The following ABCC6 variants were observed in gnomAD, a reference collection of about 807,000 sequenced individuals.
ABCC6 encodes ATP binding cassette subfamily C member 6.
In ABCC6, 126 loss-of-function variants were observed where a neutral mutation model predicts 169.5. That is an observed-to-expected ratio of 0.74 (90% confidence interval 0.64 to 0.86). The LOEUF is 0.86. Among genes scored for constraint, ABCC6 ranks in the 40% least tolerant of loss-of-function variants. The pLI is 0.00. For missense variants in ABCC6, 1,733 were observed against 1,927.2 expected (o/e 0.90, Z 1.89); for synonymous variants, 752 against 814.7 (o/e 0.92, Z 1.31).
At chr16:16,154,305 G>A (rs924929105) in intron 29 of ABCC6, among the ~76,000 whole-genome samples, 1 of 152,090 alleles carries the variant, frequency 6.6e-6, no homozygotes, top group African/African-American at 2.4e-5. Context: ...GAGTGGTGAG[G>A]TTACCACCCG....
At chr16:16,156,942 C>CAA (rs33984541) in intron 27 of ABCC6, among the ~76,000 whole-genome samples, 6,588 of 100,842 alleles carry the variant, frequency 0.065, 299 homozygotes, top group East Asian at 0.13. Flanking sequence ...GACTCTGTCT[C>CAA]AAAAAAAAAA....
Position 16,190,196 on chromosome 16 carries a change from A to G in ABCC6, c.1603T>C (p.Ser535Pro), listed in dbSNP as rs72653773. Reference sequence around the variant, plus strand: ...GTAGACACTTGGAAGGACACCAGCGACACAGAGAAGAGGAGGCCGGAGGTC... The same window carrying G: ...GTAGACACTTGGAAGGACACCAGCGGCACAGAGAAGAGGAGGCCGGAGGTC... ...LRTSGLLFSV[S>P]LVSFQVSTFL... is the part of the protein sequence containing the mutation. Residue 535 changes from serine to proline, a missense_variant, in exon 12 of 31, where the codon TCG (serine) becomes CCG (proline). Physicochemically the swap from Ser to Pro is moderately conservative, Grantham distance 74. This residue lies in a region of ABCC6 where 1,601 missense variants were observed against 1,635.5 expected (regional missense o/e 0.98). Transcript: ENST00000205557. 2 of 1,613,856 alleles carry G rather than the reference A, an allele frequency of 1.2e-6. No individual in the cohort carries two copies. The highest frequency in any genetic ancestry group is 3.3e-5 in the Admixed American group (2 of 59,980).
At chr16:16,171,369 C>A (rs2047060080) in intron 21 of ABCC6, among the ~76,000 whole-genome samples, 1 of 152,198 alleles carries the variant, frequency 6.6e-6, no homozygotes, top group Non-Finnish European at 1.5e-5. Context: ...CAGGCATGAG[C>A]CACTGCGCCT....
At chr16:16,151,212 C>T (rs146737862) in intron 29 of ABCC6, among the ~76,000 whole-genome samples, 26 of 152,156 alleles carry the variant, frequency 1.7e-4, no homozygotes, top group African/African-American at 5.5e-4. Flanking sequence ...TACAGTCATG[C>T]GCCACCATGC....
intron 27 of ABCC6, chr16:16,155,401 A>T: frequency 3.5e-6 from 1 of 287,612 alleles, no homozygotes; most frequent in Non-Finnish European, 6.5e-6. Context: ...CCTTTTTTCC[A>T]CCCCATCCTG....
chr16:16,165,350 G>A (rs1317039528), intron 23 of ABCC6, among the ~76,000 whole-genome samples: 1 of 152,294 alleles, frequency 6.6e-6, no homozygotes. Context: ...GGAGTTCAAG[G>A]CTGCAGGGAG....
intron 1 of ABCC6, 98 bp from the exon 2 acceptor site, chr16:16,221,929 T>G (rs1319298784): frequency 6.3e-7 from 1 of 1,596,722 alleles, no homozygotes; most frequent in Non-Finnish European, 8.5e-7. Flanking sequence ...CTTTAACATT[T>G]ACACAAAAAT....
intron 15 of ABCC6, 124 bp from the exon 16 acceptor site, chr16:16,183,054 T>C: frequency 1.4e-6 from 2 of 1,472,868 alleles, no homozygotes; most frequent in Non-Finnish European, 1.9e-6. Context: ...CCTGTGGGGC[T>C]GTTCTTTTTC....
intron 15 of ABCC6, among the ~76,000 whole-genome samples, chr16:16,184,409 A>G (rs2047579596): frequency 6.6e-6 from 1 of 152,006 alleles, no homozygotes; most frequent in African/African-American, 2.4e-5. Flanking sequence ...CCTATCCCCA[A>G]TACCTAGAAC....
rs750276636 is a variant in ABCC6 at position 16,182,828 on chromosome 16, C to T, written c.2046G>A (p.Lys682=). 6.2e-7 allele frequency: 1 copy of T among 1,614,026 alleles called. No individual in the cohort carries two copies. Among genetic ancestry groups the T allele is most frequent in the Non-Finnish European group, 8.5e-7 (1 of 1,179,996 alleles). The stretch of plus-strand genomic sequence containing the variant: ...CCTCGATGCTCACGAACCCCTCCAC[C>T]TTTGACAGCTCCCCAAGGAGGGCGG... The part of the protein sequence containing the change: ...LLSALLGELS[K]VEGFVSIEGA... The change falls in exon 16 of 31, where the codon AAG becomes AAA. Residue 682 remains lysine, a synonymous_variant. Transcript: ENST00000205557.
At position 16,157,703 on chromosome 16, in the gene ABCC6, G is replaced by A. The variant is rs1184658102; in HGVS notation, c.3842C>T (p.Ala1281Val). The change falls in exon 27 of 31, where the codon GCT (alanine) becomes GTT (valine). Residue 1281 changes from alanine (A) to valine (V), a missense_variant. This residue lies in a region of ABCC6 where 1,601 missense variants were observed against 1,635.5 expected (regional missense o/e 0.98). Coordinates refer to ENST00000205557, the MANE Select transcript of ABCC6 (RefSeq NM_001171.6). ...GLRYRPELPL[A>V]VQGVSFKIHA... is the part of the protein sequence containing the mutation. ...GATCTTGAAGGACACGCCCTGCACA[G>A]CCAGCGGGAGCTCAGGTCGGTATCT... 6.2e-7 allele frequency: 1 copy of A among 1,613,870 alleles called. No individual in the cohort carries two copies. The highest frequency in any genetic ancestry group is 1.1e-5 in the South Asian group (1 of 91,082).
rs1006292323 is a variant in ABCC6, at chr16:16,173,341, C to G, written c.2730G>C (p.Leu910=). The part of the protein sequence containing the change: ...TTSEAQTEVP[L]DDPDRAGWPA... ...GCCATCCTGCCCTGTCAGGGTCATCCAGAGGAACCTCTGTCTGGGCTTCTG... is the reference window on the plus strand; with the variant it reads ...GCCATCCTGCCCTGTCAGGGTCATCGAGAGGAACCTCTGTCTGGGCTTCTG... Residue 910 remains leucine (L), a synonymous_variant, in exon 21 of 31, where the codon CTG becomes CTC. Transcript: ENST00000205557. The G allele has an allele frequency of 6.2e-6, 10 of 1,613,912 alleles. No homozygotes were observed. In the African/African-American group the frequency reaches 1.2e-4, roughly 19 times the overall value.
chr16:16,220,526 AAAAC>A (rs1488729322), intron 2 of ABCC6: 2 of 158,376 alleles, frequency 1.3e-5, no homozygotes, highest in African/African-American at 4.8e-5. Context: ...TCATCAAAGA[AAAAC>A]AAAAAGCATA....
At chr16:16,177,670 CAGTGGCTCATG>C (rs973191500) in intron 18 of ABCC6, 44 bp from the exon 19 acceptor site, 4 of 1,609,632 alleles carry the variant, frequency 2.5e-6, no homozygotes, top group Non-Finnish European at 3.4e-6. Flanking sequence ...TGGCCGGGTG[CAGTGGCTCATG>C]CCTGTAATCC....
At position 16,204,639 on chromosome 16, in the gene ABCC6, T is replaced by C. The variant is rs144080005; in HGVS notation, c.795-1026A>G. ...GATGGGGGAGGCCCGAGGGCCCCTG[T>C]GAGGCAGGTCAGAAGCCCTGGGCCA... On this transcript the variant is annotated intron_variant, in intron 7 of 30. Transcript: ENST00000205557. Among the ~76,000 whole-genome samples, 765 of 151,978 alleles carry C rather than the reference T, an allele frequency of 5.0e-3. 3 individuals carry two copies. Among genetic ancestry groups the C allele is most frequent in the Non-Finnish European group, 8.1e-3 (551 of 67,958 alleles).
chr16:16,170,943 AAAGAAAG>A (rs2047045475), intron 21 of ABCC6, among the ~76,000 whole-genome samples: 14 of 93,060 alleles, frequency 1.5e-4, no homozygotes, highest in East Asian at 7.0e-4. Flanking sequence ...AAAAAAAAAG[AAAGAAAG>A]AAAGAAAGAA....
intron 6 of ABCC6, among the ~76,000 whole-genome samples, chr16:16,211,162 G>A (rs2048604690): frequency 6.6e-6 from 1 of 151,998 alleles, no homozygotes; most frequent in Non-Finnish European, 1.5e-5. Flanking sequence ...AGCACTTTGG[G>A]AAGCCGAGGC....
intron 26 of ABCC6, 27 bp from the exon 27 acceptor site, chr16:16,157,836 G>T: frequency 1.2e-6 from 2 of 1,602,664 alleles, no homozygotes. Context: ...AACTGAGTCA[G>T]AGGAGCCTTC....
intron 18 of ABCC6, among the ~76,000 whole-genome samples, 194 bp from the exon 19 acceptor site, chr16:16,177,820 G>A (rs2047332859): frequency 6.6e-6 from 1 of 152,016 alleles, no homozygotes; most frequent in Admixed American, 6.6e-5. Flanking sequence ...GCGCACACCT[G>A]TAGTCTCAGC....
Sources: gnomAD v4.1 joint callset for allele counts (sites outside exome capture counted in the v4.1 genomes callset) on GRCh38, gnomAD v4.1.1 for gene constraint, gnomAD v4.1.1 regional missense constraint, MANE v1.5 for transcripts, NCBI Gene and HGNC (gene_info 2026-07-23, HGNC 2026-07-21) for gene names.